ZNF16: variants seen among roughly 807,000 people sequenced by gnomAD.
The protein encoded by ZNF16 is zinc finger protein 16, also known as zinc finger protein KOX9.
ZNF16 carries 7 observed loss-of-function variants against 9.0 expected under a neutral mutation model. The ratio of observed to expected loss-of-function variants is 0.78; its 90% confidence interval spans 0.44 to 1.47. The LOEUF is 1.47. Ranked by LOEUF, ZNF16 falls within the 40% of genes most tolerant of loss-of-function variation. ZNF16 has a pLI of 0.01. For missense variants in ZNF16, 830 were observed against 854.2 expected, an observed-to-expected ratio of 0.97 and a Z score of 0.35; for synonymous variants, 312 against 301.5, an observed-to-expected ratio of 1.03 and a Z score of -0.36.
chr8:144,943,771 C>T (rs533081890), intron 2 of ZNF16, among the ~76,000 whole-genome samples: 6 of 152,110 alleles, frequency 3.9e-5, no homozygotes, highest in East Asian at 3.9e-4. Context: ...CTGCTTGCCT[C>T]GGCCTCCCAA....
rs1266963481 is a variant in ZNF16, at chr8:144,946,518, T to TCTGTATCCTGCTGTGGGGC, written c.-9-304_-9-303insGCCCCACAGCAGGATACAG. On this transcript the variant is annotated intron_variant, in intron 1 of 2. Transcript: ENST00000394909. ...TGATAGGAGGGCAGCCCCCACAGGG[T>TCTGTATCCTGCTGTGGGGC]CTGTGTCCTGCTGTGGGGCCTGTGT... 6.2e-3 allele frequency among the ~76,000 whole-genome samples: 869 copies of TCTGTATCCTGCTGTGGGGC among 139,976 alleles called. 61 individuals are homozygous for TCTGTATCCTGCTGTGGGGC. Among genetic ancestry groups the TCTGTATCCTGCTGTGGGGC allele is most frequent in the African/African-American group, 0.018 (692 of 38,838 alleles). 91.8% of individuals were successfully genotyped at this position (139,976 alleles called of 152,430 possible). A position where few individuals can be genotyped will look rare whatever the true frequency, so the allele number is the denominator to read the frequency against.
intron 2 of ZNF16, among the ~76,000 whole-genome samples, chr8:144,938,555 A>C (rs1833734714): frequency 6.6e-6 from 1 of 152,064 alleles, no homozygotes; most frequent in South Asian, 2.1e-4. Flanking sequence ...TTTCCTTTTC[A>C]CACTGTTCAT....
chr8:144,937,078 T>TA (rs1407940871), intron 2 of ZNF16, among the ~76,000 whole-genome samples: 2 of 151,686 alleles, frequency 1.3e-5, no homozygotes, highest in African/African-American at 4.8e-5. Context: ...TACACCCTTA[T>TA]AAAAAATATG....
intron 1 of ZNF16, chr8:144,948,571 G>C (rs938005525): frequency 1.3e-5 from 2 of 152,070 alleles, no homozygotes; most frequent in African/African-American, 4.8e-5. Context: ...CTGAATAGGG[G>C]CATAGTCACC....
At chr8:144,937,366 C>T (rs1833710421) in intron 2 of ZNF16, among the ~76,000 whole-genome samples, 1 of 152,070 alleles carries the variant, frequency 6.6e-6, no homozygotes, top group South Asian at 2.1e-4. Context: ...AAACTCCTGA[C>T]ATCAGGTGAT....
At chr8:144,949,220 G>C (rs1834031654) in intron 1 of ZNF16, among the ~76,000 whole-genome samples, 1 of 152,230 alleles carries the variant, frequency 6.6e-6, no homozygotes, top group Non-Finnish European at 1.5e-5. Flanking sequence ...TCCCCCTTGG[G>C]GAAGAACTGG....
In ZNF16 at chr8:144,933,419, A is replaced by ATTT. The variant is rs1833604983; in HGVS notation, c.197-830_197-829insAAA. On this transcript the variant is annotated intron_variant, in intron 2 of 2. Coordinates refer to ENST00000394909, the MANE Select transcript of ZNF16 (RefSeq NM_006958.3). The surrounding 1 kb of genome is among the most constrained non-coding windows in gnomAD (Gnocchi z 5.6). ...GTGCGTCATCTTTCCGCAGACAGAA[A>ATTT]TGCACACAAAGCTCCGTGTCTGCCA... Among the ~76,000 whole-genome samples the ATTT allele has an allele frequency of 1.3e-5, 2 of 152,168 alleles. No homozygotes were observed. The highest frequency in any genetic ancestry group is 2.9e-5 in the Non-Finnish European group (2 of 68,016).
intron 1 of ZNF16, among the ~76,000 whole-genome samples, chr8:144,946,945 CCCTGCTGTGGGCCTGTGT>C (rs1563926126): frequency 7.1e-5 from 7 of 98,698 alleles, no homozygotes; most frequent in South Asian, 3.6e-4. Context: ...TGGGCCTGTA[CCCTGCTGTGGGCCTGTGT>C]CCTGCTGTGG....
intron 2 of ZNF16, among the ~76,000 whole-genome samples, chr8:144,939,963 T>G (rs1833763816): frequency 6.6e-6 from 1 of 152,222 alleles, no homozygotes; most frequent in Admixed American, 6.5e-5. Flanking sequence ...TCTACTCTAT[T>G]TCATTTAACA....
In ZNF16 at chr8:144,932,520, C is replaced by A; in HGVS notation, c.267G>T (p.Gln89His). The A allele has an allele frequency of 6.2e-7, 1 of 1,614,228 alleles. No homozygotes were observed. The highest frequency in any genetic ancestry group is 8.5e-7 in the Non-Finnish European group (1 of 1,180,048). ...CAGCATAGTTTTCTGATATTTCTGC[C>A]TGTGATTCCAAATCTTCATGAATGT... ...KEDIHEDLES[Q>H]AEISENYAGD... is the part of the protein sequence containing the mutation. Residue 89 changes from glutamine to histidine, a missense_variant, in exon 3 of 3, where the codon CAG becomes CAT. Gln to His is a conservative substitution (Grantham distance 24, BLOSUM62 0). Coordinates refer to ENST00000394909, the MANE Select transcript of ZNF16 (RefSeq NM_006958.3). This position sits in a 1 kb window ranked among gnomAD's most constrained non-coding sequence, Gnocchi z 5.0.
chr8:144,944,775 CAT>C (rs1833888303), intron 2 of ZNF16: 1 of 152,210 alleles, frequency 6.6e-6, no homozygotes, highest in Non-Finnish European at 1.5e-5. Flanking sequence ...ACTAGAGTCA[CAT>C]GTTCATTTAG....
chr8:144,947,075 C>G (rs1411326746), intron 1 of ZNF16, among the ~76,000 whole-genome samples: 24 of 136,896 alleles, frequency 1.8e-4, no homozygotes, highest in African/African-American at 7.3e-4. Context: ...GGCCTGTACC[C>G]TACTGTGGGC....
intron 2 of ZNF16, among the ~76,000 whole-genome samples, chr8:144,935,775 T>C (rs1440884046): frequency 1.3e-5 from 2 of 152,228 alleles, no homozygotes; most frequent in African/African-American, 4.8e-5. Context: ...ATGCCACGTG[T>C]GGCTGTGATG....
Position 144,946,161 on chromosome 8 carries a change from A to G in ZNF16, c.46T>C (p.Ser16Pro), listed in dbSNP as rs1227223394. 1.9e-6 allele frequency: 3 copies of G among 1,558,208 alleles called. No homozygotes were observed. The highest frequency in any genetic ancestry group is 2.7e-5 in the African/African-American group (2 of 73,548). The change falls in exon 2 of 3, where the codon TCA becomes CCA. Residue 16 changes from serine to proline, a missense_variant. By Grantham distance (74) the Ser-to-Pro change is moderately conservative (BLOSUM62 -1). Transcript: ENST00000394909. ...GTCCAGGGGGATGGTCCTGGAACTGAGAGCTCCATCTCTGCCTCCTCACGG... is the reference window on the plus strand; with the variant it reads ...GTCCAGGGGGATGGTCCTGGAACTGGGAGCTCCATCTCTGCCTCCTCACGG... The part of the protein sequence containing the change: ...TRREEAEMEL[S>P]VPGPSPWTPA...
intron 2 of ZNF16, among the ~76,000 whole-genome samples, chr8:144,939,408 C>T (rs983791734): frequency 1.3e-5 from 2 of 151,808 alleles, no homozygotes; most frequent in African/African-American, 4.8e-5. Context: ...AGTTTGAGAC[C>T]AGCCTGGGGA....
At chr8:144,944,939 G>C (rs1384475854) in intron 2 of ZNF16, 5 of 152,170 alleles carry the variant, frequency 3.3e-5, no homozygotes, top group Non-Finnish European at 5.9e-5. Flanking sequence ...TTTGTGGATT[G>C]ACTCTGTGTT....
At chr8:144,943,003 C>T (rs974968365) in intron 2 of ZNF16, among the ~76,000 whole-genome samples, 3 of 152,136 alleles carry the variant, frequency 2.0e-5, no homozygotes, top group Non-Finnish European at 4.4e-5. Flanking sequence ...TTCAGGACTC[C>T]CTTTAAAAGC....
At chr8:144,945,848 G>A in intron 2 of ZNF16, 163 bp downstream of exon 2, 1 of 1,372,684 alleles carries the variant, frequency 7.3e-7, no homozygotes, top group Non-Finnish European at 9.6e-7. Context: ...GCCAGGCTAG[G>A]TTAACTTCCT....
At chr8:144,940,479 TG>T (rs1833775048) in intron 2 of ZNF16, among the ~76,000 whole-genome samples, 1 of 152,254 alleles carries the variant, frequency 6.6e-6, no homozygotes, top group Non-Finnish European at 1.5e-5. Flanking sequence ...TCTAACTGTC[TG>T]ATTTCATCTT....
Sources: allele counts gnomAD v4.1 joint callset (sites outside exome capture counted in the v4.1 genomes callset), GRCh38; gene constraint gnomAD v4.1.1; non-coding constraint Gnocchi (gnomAD v3.1); transcripts MANE v1.5; gene names NCBI Gene and HGNC (gene_info 2026-07-23, HGNC 2026-07-21).